Variants in VAPA observed in about 807,000 individuals in gnomAD.
VAPA encodes VAMP associated protein A, also known as vesicle-associated membrane protein-associated protein A.
In VAPA, 6 loss-of-function variants were observed where a neutral mutation model predicts 25.6. That is an observed-to-expected ratio of 0.23 (90% CI 0.13 to 0.46). The LOEUF (loss-of-function observed/expected upper bound fraction) is 0.46, where lower values mean the gene tolerates loss of function less well. Ranked by LOEUF, VAPA falls within the 20% of genes least tolerant of loss-of-function variation. VAPA has a pLI of 0.99. For missense variants in VAPA, 244 were observed against 302.1 expected, an observed-to-expected ratio of 0.81 and a Z score of 1.43; for synonymous variants, 112 against 106.2, an observed-to-expected ratio of 1.05 and a Z score of -0.34.
At chr18:9,951,593 A>G (rs974151241) in intron 5 of VAPA, among the ~76,000 whole-genome samples, 10 of 152,238 alleles carry the variant, frequency 6.6e-5, no homozygotes, top group African/African-American at 1.9e-4. Context: ...TCTGAAATTT[A>G]TGAATAATTT....
At chr18:9,945,347 ACTC>A (rs2069410981) in intron 4 of VAPA, among the ~76,000 whole-genome samples, 4 of 85,594 alleles carry the variant, frequency 4.7e-5, no homozygotes, top group Admixed American at 4.1e-4. Context: ...TGGGGAATAT[ACTC>A]TTTTTTTTTT....
chr18:9,949,472 G>C (rs2069464073), intron 4 of VAPA: 1 of 152,144 alleles, frequency 6.6e-6, no homozygotes, highest in African/African-American at 2.4e-5. Flanking sequence ...GGGATGGTGT[G>C]GTAGGTGTGC....
chr18:9,943,736 T>C (rs574915313), intron 4 of VAPA, among the ~76,000 whole-genome samples: 1 of 152,054 alleles, frequency 6.6e-6, no homozygotes, highest in African/African-American at 2.4e-5. Context: ...TTGTGTTCAC[T>C]TCTAAAAAAT....
At chr18:9,933,818 G>A (rs1457808253) in intron 2 of VAPA, among the ~76,000 whole-genome samples, 1 of 152,304 alleles carries the variant, frequency 6.6e-6, no homozygotes, top group East Asian at 1.9e-4. Context: ...GATTACAGGC[G>A]TGAGCCACTG....
chr18:9,931,797 T>G lies in VAPA; in HGVS notation c.80-13T>G, dbSNP rs1240082354. On this transcript the variant is annotated splice_polypyrimidine_tract_variant and intron_variant, in intron 1 of 5. Coordinates refer to ENST00000400000, the MANE Select transcript of VAPA (RefSeq NM_194434.3). ...TTAAATTTTGTTTTCTCTTTAATTTTTAAACTTTACAGGCCCCTTCACAGA... is the reference window on the plus strand; with the variant it reads ...TTAAATTTTGTTTTCTCTTTAATTTGTAAACTTTACAGGCCCCTTCACAGA... The G allele has an allele frequency of 6.3e-7, 1 of 1,586,044 alleles. No homozygotes were observed. Among genetic ancestry groups the G allele is most frequent in the African/African-American group, 1.4e-5 (1 of 73,238 alleles).
rs933048399 is a variant in VAPA, at chr18:9,957,495, C to T, written c.*3284C>T. ...ATTCCCAACTTGTGATCTTCTACCA[C>T]TTTAGAGACATTCAAGTAATAGTTT... On this transcript the variant is annotated 3_prime_UTR_variant, in exon 6 of 6. Coordinates refer to ENST00000400000, the MANE Select transcript of VAPA (RefSeq NM_194434.3). 6.6e-6 allele frequency: 1 copy of T among 152,120 alleles called. No homozygotes were observed. The highest frequency in any genetic ancestry group is 2.4e-5 in the African/African-American group (1 of 41,428). 9.4% of individuals were successfully genotyped at this position (152,120 alleles called of 1,614,324 possible).
chr18:9,915,110 GT>G (rs1423820825), intron 1 of VAPA: 2 of 152,432 alleles, frequency 1.3e-5, no homozygotes, highest in East Asian at 3.8e-4. Context: ...ACGGAGAGTT[GT>G]AGGTTCATAG....
rs2069536853 is a variant in VAPA, at chr18:9,955,326, GGAATTTTCTTTATGAAAAAT to G, written c.*1118_*1137del. ...GTTTGGTAATACTGAGCAAGCCTGT[GGAATTTTCTTTATGAAAAAT>G]GATTTTAGCCTTTGCAAATGTTAAC... On this transcript the variant is annotated 3_prime_UTR_variant, in exon 6 of 6. Coordinates refer to ENST00000400000, the MANE Select transcript of VAPA (RefSeq NM_194434.3). The G allele has an allele frequency of 6.6e-6, 1 of 152,084 alleles. No individual in the cohort carries two copies. The highest frequency in any genetic ancestry group is 2.1e-4 in the South Asian group (1 of 4,832). The allele number at this position is 152,084 out of a possible 1,614,324, so 9.4% of individuals were successfully genotyped here.
chr18:9,946,454 C>T (rs1454006611), intron 4 of VAPA, among the ~76,000 whole-genome samples: 3 of 149,702 alleles, frequency 2.0e-5, no homozygotes, highest in African/African-American at 4.9e-5. Flanking sequence ...TCTTAAAACA[C>T]TATGAGTTTT....
intron 1 of VAPA, among the ~76,000 whole-genome samples, chr18:9,928,711 GA>G (rs1042069452): frequency 2.8e-4 from 43 of 151,986 alleles, no homozygotes; most frequent in Non-Finnish European, 5.3e-4. Context: ...AACATAAGGG[GA>G]AAAAAAGGAA....
intron 2 of VAPA, among the ~76,000 whole-genome samples, chr18:9,933,678 C>T (rs1435510418): frequency 2.0e-5 from 3 of 152,096 alleles, no homozygotes; most frequent in East Asian, 1.9e-4. Context: ...GCTAGGATTA[C>T]GGGCGTGTGC....
intron 1 of VAPA, among the ~76,000 whole-genome samples, chr18:9,927,261 GATGAGTGT>G (rs2069208415): frequency 6.6e-6 from 1 of 152,108 alleles, no homozygotes; most frequent in Non-Finnish European, 1.5e-5. Context: ...GAATGTGAGT[GATGAGTGT>G]ATGAGTGTTT....
chr18:9,934,158 T>G (rs944192914), intron 2 of VAPA, among the ~76,000 whole-genome samples: 1 of 152,246 alleles, frequency 6.6e-6, no homozygotes, highest in African/African-American at 2.4e-5. Flanking sequence ...AAGCTATGCT[T>G]CTTCCAACAA....
At chr18:9,934,761 A>G (rs2069290868) in intron 2 of VAPA, among the ~76,000 whole-genome samples, 1 of 152,332 alleles carries the variant, frequency 6.6e-6, no homozygotes, top group Middle Eastern at 3.4e-3. Context: ...TAAATTTAGC[A>G]TGACTTACAA....
At chr18:9,952,431 G>A (rs560830256) in intron 5 of VAPA, among the ~76,000 whole-genome samples, 2 of 152,140 alleles carry the variant, frequency 1.3e-5, no homozygotes, top group African/African-American at 4.8e-5. Context: ...TCCGGGTGTG[G>A]TGGTGGGTGC....
intron 1 of VAPA, among the ~76,000 whole-genome samples, chr18:9,919,164 T>A (rs1158772540): frequency 6.6e-6 from 1 of 152,246 alleles, no homozygotes; most frequent in East Asian, 1.9e-4. Context: ...ATTACAGGCC[T>A]GAGCCATTGC....
Position 9,945,174 on chromosome 18 carries a change from G to A in VAPA, c.418-5221G>A. 2.5e-6 allele frequency: 3 copies of A among 1,181,704 alleles called. No homozygotes were observed. The South Asian group carries it at 4.9e-5, about 19-fold the overall frequency. The allele number at this position is 1,181,704 out of a possible 1,614,324, so 73.2% of individuals were successfully genotyped here. Reference sequence around the variant, plus strand: ...TATGTTGTATGAAGTAGATAGAATTGAACTATGCCTAAAATTACAATAAAA... The same window carrying A: ...TATGTTGTATGAAGTAGATAGAATTAAACTATGCCTAAAATTACAATAAAA... On this transcript the variant is annotated intron_variant, in intron 4 of 5. Coordinates refer to ENST00000400000, the MANE Select transcript of VAPA (RefSeq NM_194434.3).
rs993064692 is a variant in VAPA, at chr18:9,955,763, T to C, written c.*1552T>C. On this transcript the variant is annotated 3_prime_UTR_variant, in exon 6 of 6. Transcript: ENST00000400000. ...TATATTGTGTTATTGGGCGCTGTGG[T>C]ATCTTTTATAAAACCTCTTGCTTGT... The C allele has an allele frequency of 2.0e-5, 3 of 152,226 alleles. No homozygotes were observed. The highest frequency in any genetic ancestry group is 4.4e-5 in the Non-Finnish European group (3 of 68,032). 9.4% of individuals were successfully genotyped at this position (152,226 alleles called of 1,614,324 possible). A position where few individuals can be genotyped will look rare whatever the true frequency, so the allele number is the denominator to read the frequency against.
intron 1 of VAPA, chr18:9,924,061 A>G (rs2069179786): frequency 6.6e-6 from 1 of 152,324 alleles, no homozygotes; most frequent in Non-Finnish European, 1.5e-5. Context: ...TAACATTTTG[A>G]TAAACTTTTT....
Sources: gnomAD v4.1 joint callset for allele counts (sites outside exome capture counted in the v4.1 genomes callset) on GRCh38, gnomAD v4.1.1 for gene constraint, MANE v1.5 for transcripts, NCBI Gene and HGNC (gene_info 2026-07-23, HGNC 2026-07-21) for gene names.